Variants in PIP5K1B observed in about 807,000 individuals in gnomAD.
PIP5K1B encodes phosphatidylinositol-4-phosphate 5-kinase type 1 beta.
PIP5K1B carries 42 observed loss-of-function variants against 67.0 expected under a neutral mutation model. That is an observed-to-expected ratio of 0.63 (90% confidence interval 0.49 to 0.81). The LOEUF is 0.81. Ranked by LOEUF, PIP5K1B falls within the 30% of genes least tolerant of loss-of-function variation. PIP5K1B has a pLI of 0.00. For missense variants in PIP5K1B, 459 were observed against 646.3 expected (o/e 0.71, Z 3.14); for synonymous variants, 214 against 231.4 (o/e 0.92, Z 0.68).
At chr9:68,854,127 CTTTT>C (rs36079285) in intron 4 of PIP5K1B, among the ~76,000 whole-genome samples, 6 of 106,970 alleles carry the variant, frequency 5.6e-5, no homozygotes, top group Non-Finnish European at 9.5e-5. Context: ...AAACAGAAAA[CTTTT>C]TTTTTTTTTT....
At chr9:68,894,747 G>A in intron 8 of PIP5K1B, 109 bp downstream of exon 8, 1 of 1,022,984 alleles carries the variant, frequency 9.8e-7, no homozygotes, top group Non-Finnish European at 1.5e-6. Flanking sequence ...TGGCAGACAT[G>A]TGGAATCCTA....
chr9:68,967,797 A>G (rs1042838858), intron 14 of PIP5K1B, among the ~76,000 whole-genome samples: 5 of 152,086 alleles, frequency 3.3e-5, no homozygotes, highest in Admixed American at 6.5e-5. Flanking sequence ...AGCTCCTACC[A>G]CTTGACATTC....
At chr9:68,925,118 G>A (rs796831521) in intron 12 of PIP5K1B, among the ~76,000 whole-genome samples, 11 of 149,086 alleles carry the variant, frequency 7.4e-5, no homozygotes, top group East Asian at 3.9e-4. Flanking sequence ...TGAGTGTGAC[G>A]TAATCTAATT....
At chr9:68,741,662 T>G (rs1241733804) in intron 1 of PIP5K1B, 1 of 152,258 alleles carries the variant, frequency 6.6e-6, no homozygotes, top group African/African-American at 2.4e-5. Flanking sequence ...TGGAGCTGAC[T>G]CTAAGCAAAG....
rs753531601 is a variant in PIP5K1B, at chr9:68,877,701, CTG to C, written c.318+910_318+911del. On this transcript the variant is annotated intron_variant, in intron 6 of 15. Transcript: ENST00000265382. ...TAAATAATTAAAAGCTGATTCTACT[CTG>C]TGCTGATGAAGACTCTCGGATGTCT... Among the ~76,000 whole-genome samples the C allele has an allele frequency of 3.3e-5, 5 of 152,160 alleles. No individual in the cohort carries two copies. The South Asian group carries it at 1.0e-3, about 32-fold the overall frequency.
chr9:68,828,560 GGAAATAGTACCTGACC>G (rs1834110484), intron 4 of PIP5K1B, among the ~76,000 whole-genome samples: 1 of 152,186 alleles, frequency 6.6e-6, no homozygotes, highest in African/African-American at 2.4e-5. Flanking sequence ...TGAGGAAGGA[GGAAATAGTACCTGACC>G]GTGACCACAT....
rs538136252 is a variant in PIP5K1B, at chr9:68,776,126, T to A, written c.-86+33469T>A. 2.6e-5 allele frequency among the ~76,000 whole-genome samples: 4 copies of A among 152,356 alleles called. No homozygotes were observed. The East Asian group carries it at 7.7e-4, about 29-fold the overall frequency. On this transcript the variant is annotated intron_variant, in intron 2 of 15. Transcript: ENST00000265382. Reference sequence around the variant, plus strand: ...TATGGTTTTAAAGCACAGTTTTTTCTGCAGTATTTTTACTGTAGGTTGTTG... The same window carrying A: ...TATGGTTTTAAAGCACAGTTTTTTCAGCAGTATTTTTACTGTAGGTTGTTG...
At chr9:68,756,337 C>T (rs1405651395) in intron 2 of PIP5K1B, among the ~76,000 whole-genome samples, 2 of 152,184 alleles carry the variant, frequency 1.3e-5, no homozygotes, top group African/African-American at 4.8e-5. Context: ...CTTATTTTGT[C>T]AGCTTGACAC....
chr9:68,720,769 G>A (rs1009133637), intron 1 of PIP5K1B, among the ~76,000 whole-genome samples: 5 of 151,848 alleles, frequency 3.3e-5, no homozygotes, highest in African/African-American at 4.8e-5. Context: ...CTATCTACCC[G>A]CTTTAAGCAA....
intron 4 of PIP5K1B, among the ~76,000 whole-genome samples, chr9:68,847,333 T>G (rs17081050): frequency 0.044 from 6,582 of 150,822 alleles, 285 homozygotes; most frequent in East Asian, 0.23. Flanking sequence ...TATATTAAGT[T>G]TCCATGCTGG....
chr9:68,727,004 AT>A (rs1276392863), intron 1 of PIP5K1B, among the ~76,000 whole-genome samples: 16 of 151,552 alleles, frequency 1.1e-4, no homozygotes. Context: ...TAGCACACAT[AT>A]TTTTTATATA....
At chr9:68,958,280 G>A (rs1388353897) in intron 14 of PIP5K1B, among the ~76,000 whole-genome samples, 7 of 152,184 alleles carry the variant, frequency 4.6e-5, no homozygotes, top group African/African-American at 1.7e-4. Flanking sequence ...CTAGGGTTCT[G>A]TTAGCAAAGA....
intron 1 of PIP5K1B, among the ~76,000 whole-genome samples, chr9:68,733,740 G>A (rs1194392792): frequency 6.9e-6 from 1 of 144,050 alleles, no homozygotes; most frequent in Non-Finnish European, 1.5e-5. Context: ...CCCGGGTTCA[G>A]GCAATTCTCC....
chr9:68,771,287 A>G (rs1330405843), intron 2 of PIP5K1B, among the ~76,000 whole-genome samples: 1 of 152,216 alleles, frequency 6.6e-6, no homozygotes, highest in East Asian at 1.9e-4. Flanking sequence ...CTAATTGCTT[A>G]ATTTTATAAA....
At chr9:68,730,636 T>C (rs1828378058) in intron 1 of PIP5K1B, among the ~76,000 whole-genome samples, 1 of 152,190 alleles carries the variant, frequency 6.6e-6, no homozygotes, top group Non-Finnish European at 1.5e-5. Flanking sequence ...TACAAGTAAA[T>C]TGCAGAAAAG....
chr9:68,982,746 C>A (rs763731777), intron 14 of PIP5K1B, among the ~76,000 whole-genome samples: 2 of 130,856 alleles, frequency 1.5e-5, no homozygotes, highest in Non-Finnish European at 3.2e-5. Context: ...TGGGTGACAG[C>A]GAGACTCCAT....
intron 2 of PIP5K1B, among the ~76,000 whole-genome samples, chr9:68,805,016 G>A (rs1832792465): frequency 6.6e-6 from 1 of 152,328 alleles, no homozygotes; most frequent in Middle Eastern, 3.4e-3. Flanking sequence ...CGTTGGCTGA[G>A]GGCTGTGAGG....
intron 15 of PIP5K1B, among the ~76,000 whole-genome samples, chr9:69,001,650 A>C (rs1830829638): frequency 1.3e-5 from 2 of 152,050 alleles, no homozygotes; most frequent in South Asian, 4.2e-4. Flanking sequence ...AAACAACCAG[A>C]TCTCATGAGA....
chr9:68,953,609 A>G (rs1362277620), intron 14 of PIP5K1B, among the ~76,000 whole-genome samples: 1 of 152,008 alleles, frequency 6.6e-6, no homozygotes, highest in African/African-American at 2.4e-5. Context: ...GGAGCCCAGG[A>G]GTTCGAGACC....
Sources: allele counts gnomAD v4.1 joint callset (sites outside exome capture counted in the v4.1 genomes callset), GRCh38; gene constraint gnomAD v4.1.1; transcripts MANE v1.5; gene names NCBI Gene and HGNC (gene_info 2026-07-23, HGNC 2026-07-21).